The following SOD2 variants were observed in gnomAD, a reference collection of about 807,000 sequenced individuals.
SOD2 encodes the protein superoxide dismutase 2, also known as superoxide dismutase [Mn], mitochondrial.
A neutral mutation model predicts 27.0 loss-of-function variants in SOD2; 11 were observed. The ratio of observed to expected loss-of-function variants is 0.41; its 90% CI spans 0.26 to 0.67. The LOEUF (loss-of-function observed/expected upper bound fraction) is 0.67. SOD2 is among the 30% of genes least tolerant of loss of function. The pLI, the probability that SOD2 is intolerant of heterozygous loss-of-function variation, is 0.34. For synonymous variants in SOD2, 105 were observed against 103.0 expected, an observed-to-expected ratio of 1.02 and a Z score of -0.12; for missense variants, 250 against 274.5, an observed-to-expected ratio of 0.91 and a Z score of 0.63.
At chr6:159,707,633 C>A (rs981310475) in intron 1 of SOD2, among the ~76,000 whole-genome samples, 5 of 152,110 alleles carry the variant, frequency 3.3e-5, no homozygotes, top group African/African-American at 1.2e-4. Context: ...TAATAGCTTA[C>A]CAACCAAAAA....
chr6:159,688,597 A>C (rs925344425), intron 2 of SOD2, among the ~76,000 whole-genome samples: 1 of 152,134 alleles, frequency 6.6e-6, no homozygotes, highest in Non-Finnish European at 1.5e-5. Flanking sequence ...AAAACCTTCA[A>C]CTCTCACTTT....
At chr6:159,752,657 T>G (rs972150202) in intron 1 of SOD2, among the ~76,000 whole-genome samples, 1 of 151,266 alleles carries the variant, frequency 6.6e-6, no homozygotes, top group Non-Finnish European at 1.5e-5. Flanking sequence ...GTCTTAAGTC[T>G]TTAAAAAAAA....
chr6:159,727,100 C>G lies in SOD2; in HGVS notation c.-116+29G>C. 3 of 1,193,964 alleles carry G rather than the reference C, an allele frequency of 2.5e-6. No homozygotes were observed. The South Asian group carries it at 4.5e-5, about 18-fold the overall frequency. 74.0% of individuals were successfully genotyped at this position (1,193,964 alleles called of 1,614,324 possible). On this transcript the variant is annotated intron_variant, in intron 1 of 2. Coordinates refer to the SOD2 transcript ENST00000401980. Reference sequence around the variant, plus strand: ...GGGGCTGACCTCCGACCTCGCTGGCCCGCCCCTCCCCTCGGCCGCTTCCCT... The same window carrying G: ...GGGGCTGACCTCCGACCTCGCTGGCGCGCCCCTCCCCTCGGCCGCTTCCCT...
chr6:159,753,911 C>A (rs962290720), intron 1 of SOD2, among the ~76,000 whole-genome samples: 2 of 152,138 alleles, frequency 1.3e-5, no homozygotes, highest in Non-Finnish European at 2.9e-5. Flanking sequence ...ACAAGATGGA[C>A]AAATTTGTAT....
At chr6:159,708,633 T>C (rs950243595) in intron 1 of SOD2, among the ~76,000 whole-genome samples, 2 of 152,178 alleles carry the variant, frequency 1.3e-5, no homozygotes, top group East Asian at 3.8e-4. Context: ...CACAAACAAA[T>C]TGAAGAACAT....
intron 2 of SOD2, chr6:159,692,296 C>T: frequency 1.3e-6 from 1 of 778,550 alleles, no homozygotes; most frequent in Non-Finnish European, 1.8e-6. Flanking sequence ...GCACATTATA[C>T]AACAAGAACA....
chr6:159,702,912 TC>T (rs1777553180), intron 1 of SOD2, among the ~76,000 whole-genome samples: 1 of 136,746 alleles, frequency 7.3e-6, no homozygotes, highest in African/African-American at 2.7e-5. Flanking sequence ...TCCCAGCTAC[TC>T]AGGAGGCTAA....
intron 1 of SOD2, among the ~76,000 whole-genome samples, chr6:159,735,634 A>T (rs975625088): frequency 1.3e-5 from 2 of 152,104 alleles, no homozygotes; most frequent in African/African-American, 4.8e-5. Context: ...CTGTAGTCCC[A>T]GCTATTTAGG....
At chr6:159,755,760 C>CTTTTATTTTTTTTTTTT in intron 1 of SOD2, 1 of 281,890 alleles carries the variant, frequency 3.5e-6, no homozygotes, top group African/African-American at 5.3e-5. Flanking sequence ...TTTTTTTTTT[C>CTTTTATTTTTTTTTTTT]TTTTCTTTTT....
intron 1 of SOD2, chr6:159,725,494 A>C (rs1042368591): frequency 6.6e-6 from 1 of 151,452 alleles, no homozygotes; most frequent in Admixed American, 6.6e-5. Flanking sequence ...AAAAAAAAAA[A>C]ACCCAAAGAA....
At chr6:159,757,351 C>T (rs1780036668) in intron 1 of SOD2, among the ~76,000 whole-genome samples, 1 of 152,056 alleles carries the variant, frequency 6.6e-6, no homozygotes, top group Non-Finnish European at 1.5e-5. Flanking sequence ...ACAGGTATAT[C>T]CGGTCTTCAG....
intron 1 of SOD2, among the ~76,000 whole-genome samples, chr6:159,704,497 G>A (rs1777584583): frequency 6.6e-6 from 1 of 152,252 alleles, no homozygotes; most frequent in African/African-American, 2.4e-5. Flanking sequence ...CTGGCTCAGA[G>A]GGTGCCACGC....
rs1229852974 is a variant in SOD2, at chr6:159,670,469, C to A, written c.*12024G>T. ...GCTGTAAGCACTACCAGCAAGTATA[C>A]CCTACTGGTTGGAGAACTTTGTTTA... On this transcript the variant is annotated 3_prime_UTR_variant, in exon 5 of 5. Transcript: ENST00000538183. 2 of 152,138 alleles carry A rather than the reference C, an allele frequency of 1.3e-5. No homozygotes were observed. The highest frequency in any genetic ancestry group is 2.9e-5 in the Non-Finnish European group (2 of 68,034). 9.4% of individuals were successfully genotyped at this position (152,138 alleles called of 1,614,324 possible).
At chr6:159,690,173 G>A (rs1026695869) in intron 2 of SOD2, among the ~76,000 whole-genome samples, 2 of 150,834 alleles carry the variant, frequency 1.3e-5, no homozygotes, top group Non-Finnish European at 2.9e-5. Context: ...TGTAATCCCA[G>A]CTACTCAGGA....
intron 1 of SOD2, among the ~76,000 whole-genome samples, chr6:159,734,175 GT>G (rs1324657378): frequency 1.3e-5 from 2 of 151,928 alleles, no homozygotes; most frequent in African/African-American, 4.8e-5. Context: ...GTGTGTGTGT[GT>G]TTTGTTTGTT....
At chr6:159,712,069 G>A (rs1230201243) in intron 1 of SOD2, among the ~76,000 whole-genome samples, 1 of 14,398 alleles carries the variant, frequency 6.9e-5, no homozygotes, top group African/African-American at 2.2e-4. Context: ...CCACCACTCG[G>A]CTGCTCAGAC....
intron 1 of SOD2, among the ~76,000 whole-genome samples, chr6:159,743,435 G>A (rs555916700): frequency 5.9e-4 from 90 of 152,220 alleles, no homozygotes; most frequent in Non-Finnish European, 1.1e-3. Flanking sequence ...TCTGTTGGGA[G>A]TAGATGAAAC....
Position 159,678,701 on chromosome 6 carries a change from C to A in SOD2, c.*3792G>T, listed in dbSNP as rs1779831651. ...AAAACCAAGGAAAGGGTCACGGGAA[C>A]CCCACTTTATAGCCAGTCAGAAGTA... On this transcript the variant is annotated 3_prime_UTR_variant, in exon 5 of 5. Transcript: ENST00000538183. The A allele has an allele frequency of 6.6e-6, 1 of 152,184 alleles. No individual in the cohort carries two copies. Among genetic ancestry groups the A allele is most frequent in the East Asian group, 1.9e-4 (1 of 5,186 alleles). 9.4% of individuals were successfully genotyped at this position (152,184 alleles called of 1,614,324 possible). A position where few individuals can be genotyped will look rare whatever the true frequency, so the allele number is the denominator to read the frequency against.
At chr6:159,743,080 C>T (rs190895309) in intron 1 of SOD2, among the ~76,000 whole-genome samples, 8 of 152,350 alleles carry the variant, frequency 5.3e-5, no homozygotes, top group Non-Finnish European at 5.9e-5. Flanking sequence ...CAGGGTCTCG[C>T]ACTGTTGCCC....
Sources: allele counts gnomAD v4.1 joint callset (sites outside exome capture counted in the v4.1 genomes callset), GRCh38; gene constraint gnomAD v4.1.1; transcripts MANE v1.5; gene names NCBI Gene and HGNC (gene_info 2026-07-23, HGNC 2026-07-21).